The following TBC1D19 variants were observed in gnomAD, a reference collection of about 807,000 sequenced individuals.
TBC1D19 encodes TBC1 domain family member 19.
TBC1D19 carries 60 observed loss-of-function variants against 89.0 expected under a neutral mutation model. The observed-to-expected ratio is 0.67, with a 90% CI of 0.55 to 0.84. TBC1D19 has a LOEUF of 0.84. Ranked by LOEUF, TBC1D19 falls within the 40% of genes least tolerant of loss-of-function variation. TBC1D19 has a pLI of 0.00. For synonymous variants in TBC1D19, 189 were observed against 199.7 expected, an observed-to-expected ratio of 0.95 and a Z score of 0.45; for missense variants, 500 against 610.8, an observed-to-expected ratio of 0.82 and a Z score of 1.91.
At chr4:26,637,126 C>G in intron 4 of TBC1D19, 85 bp from the exon 5 acceptor site, 1 of 969,112 alleles carries the variant, frequency 1.0e-6, no homozygotes, top group East Asian at 2.7e-5. Context: ...CTTACCATTT[C>G]TATATAATTT....
chr4:26,853,042 C>T, the TBC1D19 span, among the ~76,000 whole-genome samples: 23 of 152,222 alleles, frequency 1.5e-4, no homozygotes, highest in African/African-American at 5.3e-4. Flanking sequence ...GCAACCAGAG[C>T]GATCCTGTAA....
intron 15 of TBC1D19, among the ~76,000 whole-genome samples, chr4:26,735,128 G>A (rs574012535): frequency 1.3e-5 from 2 of 150,304 alleles, no homozygotes; most frequent in South Asian, 2.1e-4. Context: ...ACATGTGTGT[G>A]TATATTTGTA....
chr4:26,837,677 C>A, the TBC1D19 span, among the ~76,000 whole-genome samples: 1 of 152,018 alleles, frequency 6.6e-6, no homozygotes, highest in Non-Finnish European at 1.5e-5. Flanking sequence ...CATGATTTAG[C>A]GATCATCTGT....
chr4:26,587,516 G>T (rs1160463153), intron 1 of TBC1D19, among the ~76,000 whole-genome samples: 5 of 150,012 alleles, frequency 3.3e-5, no homozygotes, highest in African/African-American at 1.2e-4. Context: ...AGCAGAGGTT[G>T]CAGTGAGCAG....
At chr4:26,698,815 G>C (rs1012424332) in intron 13 of TBC1D19, among the ~76,000 whole-genome samples, 5 of 152,152 alleles carry the variant, frequency 3.3e-5, no homozygotes, top group Non-Finnish European at 5.9e-5. Flanking sequence ...GCCATATGTA[G>C]AAAGCTGAAA....
At chr4:26,776,676 T>A in the TBC1D19 span, among the ~76,000 whole-genome samples, 1 of 152,218 alleles carries the variant, frequency 6.6e-6, no homozygotes, top group Non-Finnish European at 1.5e-5. Context: ...TAAGTTTATA[T>A]GTTGATAAGA....
At chr4:26,729,040 T>C (rs559674482) in intron 15 of TBC1D19, among the ~76,000 whole-genome samples, 1 of 152,300 alleles carries the variant, frequency 6.6e-6, no homozygotes, top group South Asian at 2.1e-4. Context: ...GAAAAGAGTC[T>C]TACTGTTGGA....
chr4:26,694,272 C>T (rs1456977447), intron 13 of TBC1D19, among the ~76,000 whole-genome samples: 2 of 152,168 alleles, frequency 1.3e-5, no homozygotes, highest in Admixed American at 1.3e-4. Flanking sequence ...GCTCGAGGGT[C>T]CTACGCCCAC....
chr4:26,598,348 G>C (rs188920052), intron 1 of TBC1D19, among the ~76,000 whole-genome samples: 129 of 152,224 alleles, frequency 8.5e-4, no homozygotes, highest in Non-Finnish European at 1.5e-3. Context: ...TATTTCTGCA[G>C]CAAAATGCAT....
At chr4:26,833,957 A>G in the TBC1D19 span, among the ~76,000 whole-genome samples, 1 of 152,198 alleles carries the variant, frequency 6.6e-6, no homozygotes, top group South Asian at 2.1e-4. Context: ...TGTCAAATGG[A>G]AATCCCCGAT....
At chr4:26,692,372 G>T (rs971481100) in intron 13 of TBC1D19, among the ~76,000 whole-genome samples, 6 of 152,110 alleles carry the variant, frequency 3.9e-5, no homozygotes. Flanking sequence ...GGGCCTCAAC[G>T]GCTTTCACCT....
the TBC1D19 span, among the ~76,000 whole-genome samples, chr4:26,789,011 A>G: frequency 1.9e-4 from 29 of 151,980 alleles, 1 homozygote; most frequent in South Asian, 5.8e-3. Context: ...CCCTTTTTTC[A>G]TTTATGTGGA....
chr4:26,768,123 A>G, the TBC1D19 span, among the ~76,000 whole-genome samples: 1 of 152,176 alleles, frequency 6.6e-6, no homozygotes, highest in African/African-American at 2.4e-5. Context: ...GAACATGCAC[A>G]TGAGGAACCT....
intron 4 of TBC1D19, 73 bp from the exon 5 acceptor site, chr4:26,637,138 T>C: frequency 9.4e-7 from 1 of 1,066,538 alleles, no homozygotes; most frequent in Non-Finnish European, 1.4e-6. Flanking sequence ...ATATAATTTG[T>C]AATATCTTTA....
the TBC1D19 span, among the ~76,000 whole-genome samples, chr4:26,850,540 C>CGAAAAAAA: frequency 1.1e-5 from 1 of 90,444 alleles, no homozygotes; most frequent in Non-Finnish European, 1.9e-5. Flanking sequence ...GACCCTGTCT[C>CGAAAAAAA]AAAAAAAAAA....
At chr4:26,731,197 A>C (rs1368398266) in intron 15 of TBC1D19, among the ~76,000 whole-genome samples, 1 of 152,136 alleles carries the variant, frequency 6.6e-6, no homozygotes, top group African/African-American at 2.4e-5. Context: ...AGGGGGAGGG[A>C]TCAAGGCTAT....
chr4:26,796,585 G>A, the TBC1D19 span, among the ~76,000 whole-genome samples: 1 of 152,090 alleles, frequency 6.6e-6, no homozygotes, highest in Non-Finnish European at 1.5e-5. Flanking sequence ...TGTAATGTCA[G>A]CACTTTGGGA....
intron 8 of TBC1D19, 125 bp from the exon 9 acceptor site, chr4:26,666,208 A>T: frequency 1.5e-6 from 1 of 675,772 alleles, no homozygotes; most frequent in South Asian, 2.7e-5. Context: ...TAGGTATTTG[A>T]ATAAAGCAAA....
Position 26,673,880 on chromosome 4 carries a change from C to T in TBC1D19, c.808C>T (p.Gln270Ter). The T allele has an allele frequency of 6.3e-7, 1 of 1,587,818 alleles. No homozygotes were observed. Among genetic ancestry groups the T allele is most frequent in the Non-Finnish European group, 8.6e-7 (1 of 1,164,208 alleles). Residue 270 changes from glutamine to a stop codon, truncating the protein, a stop_gained, in exon 11 of 21, where the codon CAA (glutamine) becomes TAA (stop). Transcript: ENST00000264866. LOFTEE classifies it high-confidence loss of function. Reference sequence around the variant, plus strand: ...GGCTCTCATTTTGAATATTTCCAGCCAACCTGAGGTAAGAAGAAAAAAAGG... The same window carrying T: ...GGCTCTCATTTTGAATATTTCCAGCTAACCTGAGGTAAGAAGAAAAAAAGG... The part of the protein sequence containing the change: ...LWALILNISS[Q>*]PEDVLYYEQL...
Sources: allele counts gnomAD v4.1 joint callset (sites outside exome capture counted in the v4.1 genomes callset), GRCh38; gene constraint gnomAD v4.1.1; transcripts MANE v1.5; gene names NCBI Gene and HGNC (gene_info 2026-07-23, HGNC 2026-07-21).